FGF12: variants seen among roughly 807,000 people sequenced by gnomAD.
The protein encoded by FGF12 is fibroblast growth factor 12B.
FGF12 carries 14 observed loss-of-function variants against 23.6 expected under a neutral mutation model. That is an observed-to-expected ratio of 0.59 (90% CI 0.39 to 0.93). FGF12 has a LOEUF of 0.93. Ranked by LOEUF, FGF12 falls within the 40% of genes least tolerant of loss-of-function variation. FGF12 has a pLI of 0.00. For synonymous variants in FGF12, 62 were observed against 77.3 expected (o/e 0.80, Z 1.04); for missense variants, 175 against 217.8 (o/e 0.80, Z 1.24).
At chr3:192,373,759 GA>G (rs1184113956) in intron 2 of FGF12, among the ~76,000 whole-genome samples, 3 of 152,156 alleles carry the variant, frequency 2.0e-5, no homozygotes, top group South Asian at 2.1e-4. Flanking sequence ...CTGTGACATA[GA>G]GGCTAAGATC....
chr3:192,249,373 C>T (rs1711849840), intron 4 of FGF12, among the ~76,000 whole-genome samples: 1 of 152,148 alleles, frequency 6.6e-6, no homozygotes, highest in Non-Finnish European at 1.5e-5. Context: ...TTTGGTCAAA[C>T]AATTGCTCTG....
intron 4 of FGF12, among the ~76,000 whole-genome samples, chr3:192,313,424 T>C (rs1716061812): frequency 6.6e-6 from 1 of 152,200 alleles, no homozygotes; most frequent in Non-Finnish European, 1.5e-5. Flanking sequence ...CCTTTCACAC[T>C]TCCCTGAAGA....
chr3:192,480,270 C>G (rs1723444731), intron 2 of FGF12, among the ~76,000 whole-genome samples: 2 of 152,092 alleles, frequency 1.3e-5, no homozygotes, highest in Non-Finnish European at 2.9e-5. Flanking sequence ...CTCACCCTTG[C>G]CAACAAAACC....
At chr3:192,446,121 T>A (rs747292064) in intron 2 of FGF12, among the ~76,000 whole-genome samples, 1 of 152,204 alleles carries the variant, frequency 6.6e-6, no homozygotes, top group Non-Finnish European at 1.5e-5. Context: ...TTCATGCCTG[T>A]CATTTGAAGT....
In FGF12 at chr3:192,725,479, A is replaced by T. The variant is rs146127281; in HGVS notation, c.13+1702T>A. Among the ~76,000 whole-genome samples, 494 of 152,320 alleles carry T rather than the reference A, an allele frequency of 3.2e-3. 3 individuals are homozygous for T. In the Middle Eastern group the frequency reaches 0.068, roughly 21 times the overall value. ...ATTCTTTCTCCTTTCTGAATTCAAA[A>T]GACTGAAAGAACAGCTAGAACTCTA... On this transcript the variant is annotated intron_variant, in intron 2 of 5. Coordinates refer to ENST00000445105, the MANE Select transcript of FGF12 (RefSeq NM_004113.6).
intron 2 of FGF12, among the ~76,000 whole-genome samples, chr3:192,392,591 C>CGAGAGAGAGAGAGAGAGAGA (rs67784749): frequency 2.4e-5 from 1 of 41,846 alleles, no homozygotes; most frequent in African/African-American, 1.2e-4. Flanking sequence ...AGTGAAACTC[C>CGAGAGAGAGAGAGAGAGAGA]GAGAGAGAGA....
At position 192,408,897 on chromosome 3, in the gene FGF12, C is replaced by A. The variant is rs374380398; in HGVS notation, c.14-48359G>T. 3 of 985,246 alleles carry A rather than the reference C, an allele frequency of 3.0e-6. No homozygotes were observed. The highest frequency in any genetic ancestry group is 3.5e-5 in the African/African-American group (2 of 57,202). 61.0% of individuals were successfully genotyped at this position (985,246 alleles called of 1,614,324 possible). The stretch of plus-strand genomic sequence containing the variant: ...GCAGGGTGAGGTCTACAGAATGCAT[C>A]GCGCCGGCTGCGGCTTTCCAGGGGC... On this transcript the variant is annotated intron_variant, in intron 2 of 5. Transcript: ENST00000445105. This position sits in a 1 kb window ranked among gnomAD's most constrained non-coding sequence, Gnocchi z 7.3.
chr3:192,686,683 G>A (rs1194994057), intron 2 of FGF12, among the ~76,000 whole-genome samples: 4 of 152,010 alleles, frequency 2.6e-5, no homozygotes, highest in Non-Finnish European at 5.9e-5. Context: ...AAGGAGATGT[G>A]TAAGGCTCAG....
chr3:192,481,283 G>A (rs1179049404), intron 2 of FGF12, among the ~76,000 whole-genome samples: 1 of 151,918 alleles, frequency 6.6e-6, no homozygotes, highest in Non-Finnish European at 1.5e-5. Flanking sequence ...ATGAAAAAGA[G>A]CATAAATAGC....
At chr3:192,169,432 A>T (rs2108616975) in intron 5 of FGF12, among the ~76,000 whole-genome samples, 1 of 152,310 alleles carries the variant, frequency 6.6e-6, no homozygotes, top group East Asian at 1.9e-4. Context: ...GGGTCCTGAG[A>T]GGGGCTAGGG....
intron 2 of FGF12, among the ~76,000 whole-genome samples, chr3:192,633,631 G>T (rs1715477184): frequency 6.6e-6 from 1 of 152,116 alleles, no homozygotes; most frequent in Admixed American, 6.5e-5. Context: ...GTTAGGATGT[G>T]CTGCTGTAGC....
chr3:192,426,364 T>G (rs1044776037), intron 2 of FGF12, among the ~76,000 whole-genome samples: 1 of 152,218 alleles, frequency 6.6e-6, no homozygotes, highest in Non-Finnish European at 1.5e-5. Flanking sequence ...ATGAGCCTCA[T>G]AGTATTGTCA....
chr3:192,185,870 A>AG (rs1231282244), intron 4 of FGF12, among the ~76,000 whole-genome samples: 2 of 152,200 alleles, frequency 1.3e-5, no homozygotes, highest in East Asian at 3.9e-4. Context: ...AAAAAAAAAA[A>AG]AAGTTACAGC....
chr3:192,307,267 T>C (rs941375558), intron 4 of FGF12, among the ~76,000 whole-genome samples: 6 of 152,130 alleles, frequency 3.9e-5, no homozygotes, highest in African/African-American at 1.4e-4. Flanking sequence ...ACATTAACCA[T>C]GTGTTAAGTA....
chr3:192,321,091 C>T (rs1416010858), intron 4 of FGF12, among the ~76,000 whole-genome samples: 2 of 151,894 alleles, frequency 1.3e-5, no homozygotes, highest in Admixed American at 6.6e-5. Flanking sequence ...AGAGAGAAGA[C>T]CCACATAAGT....
rs563377691 is a variant in FGF12 at position 192,397,991 on chromosome 3, T to C, written c.14-37453A>G. 3.3e-5 allele frequency among the ~76,000 whole-genome samples: 5 copies of C among 152,304 alleles called. No homozygotes were observed. In the South Asian group the frequency reaches 1.0e-3, roughly 32 times the overall value. On this transcript the variant is annotated intron_variant, in intron 2 of 5. Coordinates refer to ENST00000445105, the MANE Select transcript of FGF12 (RefSeq NM_004113.6). ...AACTTTTTAGTCTATTTTATCTTTA[T>C]AATAACTTATACAACTTATCCGGGT... is the stretch of plus-strand genomic sequence containing the variant.
chr3:192,521,809 T>C (rs1724820623), intron 2 of FGF12, among the ~76,000 whole-genome samples: 3 of 152,120 alleles, frequency 2.0e-5, no homozygotes, highest in Admixed American at 2.0e-4. Context: ...ATGTATATTT[T>C]CCCCCCAAGA....
At chr3:192,479,059 T>C (rs762082350) in intron 2 of FGF12, among the ~76,000 whole-genome samples, 1 of 152,228 alleles carries the variant, frequency 6.6e-6, no homozygotes, top group African/African-American at 2.4e-5. Context: ...TGAAACATCA[T>C]GCAGATGAGT....
chr3:192,555,796 C>T (rs1328550105), intron 2 of FGF12, among the ~76,000 whole-genome samples: 2 of 150,666 alleles, frequency 1.3e-5, no homozygotes, highest in Admixed American at 1.3e-4. Flanking sequence ...AAAACTCCAT[C>T]TCGGGGAAAA....
Sources: gnomAD v4.1 joint callset for allele counts (sites outside exome capture counted in the v4.1 genomes callset) on GRCh38, gnomAD v4.1.1 for gene constraint, Gnocchi (gnomAD v3.1) non-coding constraint, MANE v1.5 for transcripts, NCBI Gene and HGNC (gene_info 2026-07-23, HGNC 2026-07-21) for gene names.